CNTN4: variants seen among roughly 807,000 people sequenced by gnomAD.
CNTN4 encodes contactin 4.
CNTN4 carries 77 observed loss-of-function variants against 122.5 expected under a neutral mutation model. The ratio of observed to expected loss-of-function variants is 0.63; its 90% confidence interval spans 0.52 to 0.76. CNTN4 has a LOEUF of 0.76. CNTN4 is among the 30% of genes least tolerant of loss of function. CNTN4 has a pLI of 0.00. For missense variants in CNTN4, 1,256 were observed against 1,259.1 expected, an observed-to-expected ratio of 1.00 and a Z score of 0.04; for synonymous variants, 512 against 447.0, an observed-to-expected ratio of 1.15 and a Z score of -1.83.
intron 2 of CNTN4, among the ~76,000 whole-genome samples, chr3:2,176,465 A>G (rs189362508): frequency 3.8e-4 from 58 of 152,282 alleles, no homozygotes; most frequent in Non-Finnish European, 6.9e-4. Flanking sequence ...TATAACCAGC[A>G]TGGAAAACCC....
chr3:2,673,255 A>T (rs2084641311), intron 4 of CNTN4, among the ~76,000 whole-genome samples: 1 of 152,098 alleles, frequency 6.6e-6, no homozygotes, highest in African/African-American at 2.4e-5. Context: ...TATAAAAGGG[A>T]GTGCTTTTGG....
intron 10 of CNTN4, among the ~76,000 whole-genome samples, chr3:2,895,672 A>G (rs1180331099): frequency 2.0e-5 from 3 of 152,216 alleles, no homozygotes; most frequent in Admixed American, 1.3e-4. Context: ...ATTAACAGAA[A>G]AACTAGGAGA....
At chr3:2,450,810 G>A (rs1436921681) in intron 3 of CNTN4, among the ~76,000 whole-genome samples, 1 of 152,180 alleles carries the variant, frequency 6.6e-6, no homozygotes, top group African/African-American at 2.4e-5. Context: ...ACAAGTTACA[G>A]GCAAATAAAT....
intron 3 of CNTN4, among the ~76,000 whole-genome samples, chr3:2,459,345 G>A (rs2049118296): frequency 6.6e-6 from 1 of 152,050 alleles, no homozygotes; most frequent in Non-Finnish European, 1.5e-5. Flanking sequence ...GTGGACACAT[G>A]CCATGATATC....
chr3:3,014,483 T>G lies in CNTN4; in HGVS notation c.1487-11619T>G, dbSNP rs761676830. 4.4e-4 allele frequency among the ~76,000 whole-genome samples: 67 copies of G among 152,252 alleles called. 1 individual carries two copies. The Middle Eastern group carries it at 0.037, about 85-fold the overall frequency. On this transcript the variant is annotated intron_variant, in intron 14 of 24. Transcript: ENST00000418658. Reference sequence around the variant, plus strand: ...AGCTTGCCCAACAAAGGGTTTCTATTTTAATATCATAAAAACCAAAAGGTG... The same window carrying G: ...AGCTTGCCCAACAAAGGGTTTCTATGTTAATATCATAAAAACCAAAAGGTG...
chr3:2,426,406 C>G (rs567761811), intron 3 of CNTN4, among the ~76,000 whole-genome samples: 13 of 152,186 alleles, frequency 8.5e-5, no homozygotes, highest in African/African-American at 2.6e-4. Context: ...GCCTTGCATC[C>G]CAGGGATGAA....
intron 4 of CNTN4, among the ~76,000 whole-genome samples, chr3:2,695,529 A>G (rs987787925): frequency 2.0e-5 from 3 of 152,226 alleles, no homozygotes; most frequent in African/African-American, 7.2e-5. Flanking sequence ...CAGTTCCAAC[A>G]TCTGATGTCA....
chr3:3,057,740 A>T lies in CNTN4; in HGVS notation c.*1520A>T, dbSNP rs1701903146. On this transcript the variant is annotated 3_prime_UTR_variant, in exon 25 of 25. Transcript: ENST00000418658. ...GTAACCGGAAAAAAATATTGTCAGT[A>T]TTTCAAGCTGTGTTCCTTTCTTAGT... The T allele has an allele frequency of 6.6e-6, 1 of 152,528 alleles. No individual in the cohort carries two copies. The highest frequency in any genetic ancestry group is 1.5e-5 in the Non-Finnish European group (1 of 68,018). The allele number at this position is 152,528 out of a possible 1,614,324, so 9.4% of individuals were successfully genotyped here.
chr3:2,448,318 T>C (rs141800513), intron 3 of CNTN4, among the ~76,000 whole-genome samples: 1 of 152,248 alleles, frequency 6.6e-6, no homozygotes, highest in Non-Finnish European at 1.5e-5. Context: ...GAGTGTTGCC[T>C]TAAAAGCAAG....
At chr3:3,012,698 G>A (rs529510626) in intron 14 of CNTN4, among the ~76,000 whole-genome samples, 3 of 152,244 alleles carry the variant, frequency 2.0e-5, no homozygotes, top group Non-Finnish European at 4.4e-5. Context: ...GCTGGGCGCC[G>A]TGGCTCACGC....
chr3:3,040,643 G>A, intron 20 of CNTN4, among the ~76,000 whole-genome samples: 1 of 152,128 alleles, frequency 6.6e-6, no homozygotes, highest in East Asian at 1.9e-4. Flanking sequence ...TTTTCATAAA[G>A]CATATGGTAC....
Position 3,043,137 on chromosome 3 carries a change from C to T in CNTN4, c.2672C>T (p.Thr891Ile), listed in dbSNP as rs1354235110. 6.2e-7 allele frequency: 1 copy of T among 1,614,060 alleles called. No individual in the cohort carries two copies. Among genetic ancestry groups the T allele is most frequent in the South Asian group, 1.1e-5 (1 of 91,086 alleles). The change falls in exon 22 of 25, where the codon ACA becomes ATA. Residue 891 changes from threonine (T) to isoleucine (I), a missense_variant. Transcript: ENST00000418658. ...NSAGTGPSSATVNVTTRKPPP... is the reference protein window; with the variant it reads ...NSAGTGPSSAIVNVTTRKPPP... The stretch of plus-strand genomic sequence containing the variant: ...GCTGGGACAGGCCCCTCTAGTGCAA[C>T]AGTCAATGTGACAACCCGAAAGCCA...
intron 4 of CNTN4, among the ~76,000 whole-genome samples, chr3:2,686,056 C>G (rs1405232355): frequency 1.3e-5 from 2 of 152,160 alleles, no homozygotes; most frequent in African/African-American, 4.8e-5. Flanking sequence ...AAAAGAAATA[C>G]ATCCTGTACA....
At chr3:2,292,035 G>A (rs996244679) in intron 2 of CNTN4, among the ~76,000 whole-genome samples, 6 of 152,100 alleles carry the variant, frequency 3.9e-5, no homozygotes, top group South Asian at 2.1e-4. Context: ...CGCGCCTGGC[G>A]AACTATAATA....
At chr3:2,958,908 G>A (rs780048983) in intron 13 of CNTN4, among the ~76,000 whole-genome samples, 2 of 152,170 alleles carry the variant, frequency 1.3e-5, no homozygotes, top group African/African-American at 4.8e-5. Context: ...ACAGAAAGAT[G>A]GAATAGCATT....
chr3:3,054,364 C>T lies in CNTN4; in HGVS notation c.2980+389C>T, dbSNP rs191332242. On this transcript the variant is annotated intron_variant, in intron 24 of 24. Transcript: ENST00000418658. ...TAAGTATGCCGTAGCAGTTTTTCTC[C>T]AGTGAAACAGTGTATGCAGTTCAGT... Among the ~76,000 whole-genome samples the T allele has an allele frequency of 1.4e-3, 219 of 152,284 alleles. 1 individual carries two copies. Among genetic ancestry groups the T allele is most frequent in the Non-Finnish European group, 2.5e-3 (172 of 68,030 alleles).
chr3:2,860,332 G>A (rs2093658809), intron 7 of CNTN4, among the ~76,000 whole-genome samples: 1 of 152,186 alleles, frequency 6.6e-6, no homozygotes, highest in Non-Finnish European at 1.5e-5. Flanking sequence ...TTAGCCATGG[G>A]TGTAGGAGTG....
intron 2 of CNTN4, among the ~76,000 whole-genome samples, chr3:2,265,976 T>C (rs2149784623): frequency 6.6e-6 from 1 of 152,248 alleles, no homozygotes; most frequent in East Asian, 1.9e-4. Context: ...GTGGAGTCTT[T>C]AGATTTCCTA....
intron 14 of CNTN4, among the ~76,000 whole-genome samples, chr3:2,990,143 G>A (rs1419389857): frequency 6.6e-6 from 1 of 152,180 alleles, no homozygotes; most frequent in African/African-American, 2.4e-5. Context: ...TGGCACCTAG[G>A]AAATATTAAT....
Sources: allele counts gnomAD v4.1 joint callset (sites outside exome capture counted in the v4.1 genomes callset), GRCh38; gene constraint gnomAD v4.1.1; transcripts MANE v1.5; gene names NCBI Gene and HGNC (gene_info 2026-07-23, HGNC 2026-07-21).